TET1: variants seen among roughly 807,000 people sequenced by gnomAD.
TET1 encodes the protein tet methylcytosine dioxygenase 1, also known as methylcytosine dioxygenase TET1.
TET1 carries 13 observed loss-of-function variants against 148.7 expected under a neutral mutation model. That is an observed-to-expected ratio of 0.09 (90% CI 0.06 to 0.14). The LOEUF is 0.14. TET1 is among the 10% of genes least tolerant of loss of function. TET1 has a pLI of 1.00. For synonymous variants in TET1, 907 were observed against 937.2 expected, an observed-to-expected ratio of 0.97 and a Z score of 0.59; for missense variants, 2,182 against 2,553.8, an observed-to-expected ratio of 0.85 and a Z score of 3.14.
chr10:68,661,196 A>ATTTTTTTTTTTTTTT (rs974912892), intron 6 of TET1, among the ~76,000 whole-genome samples: 35 of 78,610 alleles, frequency 4.5e-4, no homozygotes, highest in African/African-American at 1.3e-3. Flanking sequence ...CGCCTGGCTA[A>ATTTTTTTTTTTTTTT]TTTTTTTTTT....
In TET1 at chr10:68,573,697, A is replaced by G. The variant is rs762700541; in HGVS notation, c.1359A>G (p.Gln453=). The G allele has an allele frequency of 6.8e-6, 11 of 1,613,958 alleles. No homozygotes were observed. The Admixed American group carries it at 1.3e-4, about 20-fold the overall frequency. Residue 453 remains glutamine, a synonymous_variant, in exon 2 of 12, where the codon CAA becomes CAG. Coordinates refer to ENST00000373644, the MANE Select transcript of TET1 (RefSeq NM_030625.3). The part of the protein sequence containing the change: ...FNAPSKWPEP[Q]STVSYGLAVQ... Reference sequence around the variant, plus strand: ...CTCCTTCCAAATGGCCTGAGCCCCAAAGCACTGTCTCATATGGACTTGCAG... The same window carrying G: ...CTCCTTCCAAATGGCCTGAGCCCCAGAGCACTGTCTCATATGGACTTGCAG...
At position 68,686,339 on chromosome 10, in the gene TET1, G is replaced by T; in HGVS notation, c.5053-17G>T. ...GACCCGTATATCTTTCCCATTTCAT[G>T]TTTTTCTCCCTATCAGGTTTGTACC... On this transcript the variant is annotated splice_polypyrimidine_tract_variant and intron_variant, in intron 10 of 11. Transcript: ENST00000373644. 6.4e-7 allele frequency: 1 copy of T among 1,565,204 alleles called. No individual in the cohort carries two copies.
At chr10:68,595,945 T>TAC (rs2053976244) in intron 2 of TET1, among the ~76,000 whole-genome samples, 11 of 37,554 alleles carry the variant, frequency 2.9e-4, no homozygotes, top group South Asian at 1.3e-3. Context: ...TATATATATA[T>TAC]ATATATATAT....
In TET1 at chr10:68,574,050, C is replaced by A. The variant is rs1381741063; in HGVS notation, c.1712C>A (p.Thr571Asn). 1 of 1,614,160 alleles carries A rather than the reference C, an allele frequency of 6.2e-7. No individual in the cohort carries two copies. The highest frequency in any genetic ancestry group is 2.2e-5 in the East Asian group (1 of 44,882). ...VVTMPVPMVS[T>N]SSSSYTTLLP... ...ACTATGCCAGTGCCAATGGTCAGTA[C>A]CTCCTCTTCTTCCTATACCACTTTG... is the stretch of plus-strand genomic sequence containing the variant. Residue 571 changes from threonine to asparagine, a missense_variant, in exon 2 of 12, where the codon ACC (threonine) becomes AAC (asparagine). This residue lies in a region of TET1 where 665 missense variants were observed against 672.4 expected (regional missense o/e 0.99). Coordinates refer to ENST00000373644, the MANE Select transcript of TET1 (RefSeq NM_030625.3).
intron 3 of TET1, among the ~76,000 whole-genome samples, chr10:68,642,745 C>A (rs2054777826): frequency 6.6e-6 from 1 of 152,116 alleles, no homozygotes; most frequent in Non-Finnish European, 1.5e-5. Context: ...GCTGGGATTA[C>A]AGGCACCCTC....
At chr10:68,599,177 CCTGATTT>C (rs1463361764) in intron 2 of TET1, among the ~76,000 whole-genome samples, 27 of 152,358 alleles carry the variant, frequency 1.8e-4, no homozygotes, top group African/African-American at 6.5e-4. Flanking sequence ...TCACTCTGTT[CCTGATTT>C]CTGGTTGTGG....
chr10:68,620,354 C>T (rs1241802731), intron 3 of TET1, among the ~76,000 whole-genome samples: 1 of 152,162 alleles, frequency 6.6e-6, no homozygotes, highest in Non-Finnish European at 1.5e-5. Context: ...TTGGCAACCA[C>T]TAGTGTACTT....
intron 2 of TET1, among the ~76,000 whole-genome samples, chr10:68,596,021 C>CATATATATATAT (rs1271069239): frequency 1.9e-5 from 2 of 102,708 alleles, no homozygotes; most frequent in African/African-American, 9.6e-5. Context: ...CACACACACA[C>CATATATATATAT]ACACACATAT....
At chr10:68,679,746 T>C (rs996973662) in intron 8 of TET1, among the ~76,000 whole-genome samples, 5 of 152,158 alleles carry the variant, frequency 3.3e-5, no homozygotes, top group Non-Finnish European at 5.9e-5. Context: ...TGGTCTCAGC[T>C]CACTGCAATC....
intron 11 of TET1, among the ~76,000 whole-genome samples, chr10:68,689,639 G>A (rs2055563294): frequency 6.6e-6 from 1 of 152,076 alleles, no homozygotes; most frequent in Admixed American, 6.6e-5. Flanking sequence ...AGCTGGGTGT[G>A]GTGGTGGTGT....
chr10:68,675,560 C>T (rs921709905), intron 8 of TET1, among the ~76,000 whole-genome samples: 2 of 144,702 alleles, frequency 1.4e-5, no homozygotes, highest in African/African-American at 2.6e-5. Context: ...AAACTATCCA[C>T]GTCATTTTTT....
chr10:68,597,350 A>T (rs1564959670), intron 2 of TET1, among the ~76,000 whole-genome samples: 1 of 152,148 alleles, frequency 6.6e-6, no homozygotes, highest in Non-Finnish European at 1.5e-5. Context: ...CTTAAATTAT[A>T]CAATTCTATC....
intron 6 of TET1, among the ~76,000 whole-genome samples, chr10:68,665,720 G>C (rs1231378607): frequency 3.3e-5 from 5 of 151,830 alleles, no homozygotes; most frequent in Non-Finnish European, 7.4e-5. Context: ...TTTTGCATTT[G>C]AGATTATTTG....
intron 2 of TET1, among the ~76,000 whole-genome samples, chr10:68,591,357 C>T (rs2053916869): frequency 6.6e-6 from 1 of 152,160 alleles, no homozygotes; most frequent in African/African-American, 2.4e-5. Flanking sequence ...ATAAGAACCA[C>T]AGCCATTAAG....
chr10:68,617,006 CTTTTTTTTTTTTTTTTTTTTTTTTTT>C (rs71019039), intron 3 of TET1, among the ~76,000 whole-genome samples: 6 of 39,582 alleles, frequency 1.5e-4, no homozygotes, highest in Non-Finnish European at 2.7e-4. Flanking sequence ...CGCGCCTGGC[CTTTTTTTTTTTTTTTTTTTTTTTTTT>C]TTTTTTTTTT....
chr10:68,673,063 T>C lies in TET1; in HGVS notation c.4824+18T>C, dbSNP rs753619848. 18 of 1,585,516 alleles carry C rather than the reference T, an allele frequency of 1.1e-5. No individual in the cohort carries two copies. The Middle Eastern group carries it at 1.2e-3, about 105-fold the overall frequency. On this transcript the variant is annotated intron_variant, in intron 8 of 11. Transcript: ENST00000373644. ...CCTTACATGTAAGTGTCCTTCTTTA[T>C]TCAAATAATTTATTTTTGAATTACA...
Position 68,691,812 on chromosome 10 carries a change from T to G in TET1, c.6409T>G (p.Ter2137GlyextTer7). 6.2e-7 allele frequency: 1 copy of G among 1,605,008 alleles called. No individual in the cohort carries two copies. Among genetic ancestry groups the G allele is most frequent in the Non-Finnish European group, 8.5e-7 (1 of 1,175,836 alleles). ...TGCGGGGCCCTATAACCATTGGGTC[T>G]GAAGGCTTTTCTCCCCCTCTTAATG... is the stretch of plus-strand genomic sequence containing the variant. ...HVAGPYNHWV[*>G] The change falls in exon 12 of 12, where the codon TGA becomes GGA. Residue 2137 changes from the stop codon to glycine, a stop_lost. Transcript: ENST00000373644. This position sits in a 1 kb window ranked among gnomAD's most constrained non-coding sequence, Gnocchi z 4.4.
At chr10:68,615,693 T>C (rs1286796698) in intron 3 of TET1, among the ~76,000 whole-genome samples, 1 of 149,954 alleles carries the variant, frequency 6.7e-6, no homozygotes, top group Non-Finnish European at 1.5e-5. Context: ...AGTTTCACTC[T>C]TATTGTCCAG....
rs560289134 is a variant in TET1 at position 68,644,736 on chromosome 10, A to G, written c.2007A>G (p.Ser669=). Reference sequence around the variant, plus strand: ...ACAAACCAGTAAATGGCCCCAAGTCAGAATCCATGGACTACAGTAGATGTG... The same window carrying G: ...ACAAACCAGTAAATGGCCCCAAGTCGGAATCCATGGACTACAGTAGATGTG... ...FDNKPVNGPK[S]ESMDYSRCGH... is the part of the protein sequence containing the mutation. The change falls in exon 4 of 12, where the codon TCA becomes TCG. Residue 669 remains serine, a synonymous_variant. Transcript: ENST00000373644. The G allele has an allele frequency of 1.3e-6, 2 of 1,587,588 alleles. No individual in the cohort carries two copies. Among genetic ancestry groups the G allele is most frequent in the Non-Finnish European group, 8.5e-7 (1 of 1,169,760 alleles).
Sources: allele counts gnomAD v4.1 joint callset (sites outside exome capture counted in the v4.1 genomes callset), GRCh38; gene constraint gnomAD v4.1.1; regional missense constraint gnomAD v4.1.1; non-coding constraint Gnocchi (gnomAD v3.1); transcripts MANE v1.5; gene names NCBI Gene and HGNC (gene_info 2026-07-23, HGNC 2026-07-21).